DACH2: variants seen among roughly 807,000 people sequenced by gnomAD.
The protein encoded by DACH2 is dachshund homolog 2.
In DACH2, 17 loss-of-function variants were observed where a neutral mutation model predicts 35.8. The ratio of observed to expected loss-of-function variants is 0.48; its 90% CI spans 0.33 to 0.71. The LOEUF (loss-of-function observed/expected upper bound fraction) is 0.71. DACH2 is among the 30% of genes least tolerant of loss of function. The pLI, the probability that DACH2 is intolerant of heterozygous loss-of-function variation, is 0.02. For missense variants in DACH2, 469 were observed against 472.7 expected, an observed-to-expected ratio of 0.99 and a Z score of 0.07; for synonymous variants, 195 against 177.3, an observed-to-expected ratio of 1.10 and a Z score of -0.79.
At position 86,700,058 on chromosome X, in the gene DACH2, G is replaced by C. The variant is rs182423243; in HGVS notation, c.931+4879G>C. Among the ~76,000 whole-genome samples, 180 of 111,689 alleles carry C rather than the reference G, an allele frequency of 1.6e-3. 1 individual carries two copies. The highest frequency in any genetic ancestry group is 5.7e-3 in the African/African-American group (174 of 30,791). ...GTTTTTACTATCGTGCTGTCCAAGT[G>C]TGGCTGGTATAATTTCACTTTTTTC... is the stretch of plus-strand genomic sequence containing the variant. On this transcript the variant is annotated intron_variant, in intron 5 of 11. Transcript: ENST00000373125.
At chrX:86,213,965 T>C (rs1165950081) in intron 1 of DACH2, among the ~76,000 whole-genome samples, 1 of 111,258 alleles carries the variant, frequency 9.0e-6, no homozygotes, top group East Asian at 2.8e-4. Flanking sequence ...AATTTAAGAA[T>C]CTCAGGGTTC....
chrX:86,663,652 C>A (rs1602753549), intron 4 of DACH2, among the ~76,000 whole-genome samples: 1 of 111,700 alleles, frequency 9.0e-6, no homozygotes, highest in East Asian at 2.8e-4. Context: ...GCAATATTTC[C>A]TAATGAACGG....
chrX:86,534,442 T>G (rs1249587599), intron 3 of DACH2, among the ~76,000 whole-genome samples: 1 of 112,380 alleles, frequency 8.9e-6, no homozygotes, highest in Admixed American at 9.4e-5. Flanking sequence ...GCAAATTATT[T>G]GAAAGTCATT....
At chrX:86,808,807 T>A (rs183440051) in intron 7 of DACH2, among the ~76,000 whole-genome samples, 1 of 111,518 alleles carries the variant, frequency 9.0e-6, no homozygotes, top group Admixed American at 9.6e-5. Context: ...TTTATATTCC[T>A]GTATCACAAT....
intron 4 of DACH2, among the ~76,000 whole-genome samples, chrX:86,669,501 G>A (rs191207590): frequency 2.7e-5 from 3 of 111,200 alleles, no homozygotes; most frequent in African/African-American, 9.8e-5. Context: ...TATTTCCTTT[G>A]ATTATCATGA....
At position 86,736,221 on chromosome X, in the gene DACH2, T is replaced by C. The variant is rs190748923; in HGVS notation, c.1105-3526T>C. On this transcript the variant is annotated intron_variant, in intron 6 of 11. Transcript: ENST00000373125. ...GACACTGCATTCATATAACATGGTT[T>C]GCATGGTGAAAAAAGTCTGACTTCT... Among the ~76,000 whole-genome samples, 164 of 111,422 alleles carry C rather than the reference T, an allele frequency of 1.5e-3. 3 individuals are homozygous for C. The highest frequency in any genetic ancestry group is 0.015 in the Admixed American group (152 of 10,426).
chrX:86,801,019 A>G (rs1371862964), intron 7 of DACH2, among the ~76,000 whole-genome samples: 3 of 111,258 alleles, frequency 2.7e-5, no homozygotes, highest in Non-Finnish European at 3.8e-5. Context: ...CAAGAAAAAA[A>G]ATGTGAAAAT....
chrX:86,602,776 C>T (rs989284152), intron 3 of DACH2, among the ~76,000 whole-genome samples: 1 of 110,875 alleles, frequency 9.0e-6, no homozygotes, highest in Non-Finnish European at 1.9e-5. Context: ...ATTTTTGGGT[C>T]GTCTTTTTAT....
intron 3 of DACH2, among the ~76,000 whole-genome samples, chrX:86,635,074 C>T (rs753718253): frequency 1.2e-4 from 13 of 104,996 alleles, no homozygotes; most frequent in Non-Finnish European, 2.1e-4. Context: ...AAGAAGAAAA[C>T]TTCAGGCTAA....
chrX:86,732,875 T>A (rs779725871), intron 6 of DACH2, among the ~76,000 whole-genome samples: 41 of 111,497 alleles, frequency 3.7e-4, no homozygotes, highest in African/African-American at 1.3e-3. Flanking sequence ...TGTTCTCTTA[T>A]CAGTAATGGG....
chrX:86,207,995 G>A (rs2032356390), intron 1 of DACH2, among the ~76,000 whole-genome samples: 1 of 110,549 alleles, frequency 9.0e-6, no homozygotes, highest in Admixed American at 9.7e-5. Flanking sequence ...CTGTAACAGT[G>A]TATTTGCTTT....
intron 1 of DACH2, among the ~76,000 whole-genome samples, chrX:86,258,631 C>T (rs1483674861): frequency 1.8e-5 from 2 of 111,259 alleles, no homozygotes; most frequent in Non-Finnish European, 3.8e-5. Flanking sequence ...AGAAGCTAGC[C>T]GTGAGACTGT....
At chrX:86,406,802 G>T (rs2036534317) in intron 2 of DACH2, among the ~76,000 whole-genome samples, 1 of 112,106 alleles carries the variant, frequency 8.9e-6, no homozygotes, top group Non-Finnish European at 1.9e-5. Flanking sequence ...TCTGCTGAGA[G>T]TGCACCTCCT....
chrX:86,314,277 G>A (rs1334620000), intron 1 of DACH2, among the ~76,000 whole-genome samples: 2 of 111,335 alleles, frequency 1.8e-5, no homozygotes, highest in African/African-American at 6.5e-5. Context: ...AACACTTTGG[G>A]AGGCCTAGGC....
chrX:86,374,250 C>T (rs2035931848), intron 1 of DACH2, among the ~76,000 whole-genome samples: 1 of 111,353 alleles, frequency 9.0e-6, no homozygotes, highest in African/African-American at 3.2e-5. Flanking sequence ...TTCACATTCA[C>T]ATGCCCAAAG....
At chrX:86,660,982 T>A (rs774263497) in intron 4 of DACH2, among the ~76,000 whole-genome samples, 94 of 111,334 alleles carry the variant, frequency 8.4e-4, no homozygotes, top group Admixed American at 2.7e-3. Context: ...TAAATCCTAA[T>A]TTTCTATGAT....
intron 5 of DACH2, among the ~76,000 whole-genome samples, chrX:86,705,059 A>ATATATATCTCACATATATATG (rs2041197844): frequency 9.3e-6 from 1 of 107,585 alleles, no homozygotes; most frequent in African/African-American, 3.4e-5. Context: ...ACATATATAT[A>ATATATATCTCACATATATATG]TATATATCTC....
At chrX:86,187,169 G>A (rs2031706333) in intron 1 of DACH2, among the ~76,000 whole-genome samples, 1 of 111,302 alleles carries the variant, frequency 9.0e-6, no homozygotes, top group South Asian at 3.8e-4. Context: ...TGAGTGGAGT[G>A]AGATAGATAT....
chrX:86,161,235 G>A lies in DACH2; in HGVS notation c.488+12127G>A, dbSNP rs781275163. On this transcript the variant is annotated intron_variant, in intron 1 of 11. Coordinates refer to ENST00000373125, the MANE Select transcript of DACH2 (RefSeq NM_053281.3). ...TAGTTGTTTCACATCCAGTGTGTAA[G>A]CCAGAAGGGCATGCTCACTGGTCTG... is the stretch of plus-strand genomic sequence containing the variant. 394 of 1,188,378 alleles carry A rather than the reference G, an allele frequency of 3.3e-4. 3 individuals are homozygous for A. The Admixed American group carries it at 8.5e-3, about 26-fold the overall frequency.
Sources: gnomAD v4.1 joint callset for allele counts (sites outside exome capture counted in the v4.1 genomes callset) on GRCh38, gnomAD v4.1.1 for gene constraint, MANE v1.5 for transcripts, NCBI Gene and HGNC (gene_info 2026-07-23, HGNC 2026-07-21) for gene names.